The following NBAS variants were observed in gnomAD, a reference collection of about 807,000 sequenced individuals.
NBAS encodes the protein NAG/BC035112 fusion.
A neutral mutation model predicts 302.5 loss-of-function variants in NBAS; 219 were observed. The observed-to-expected ratio is 0.72, with a 90% CI of 0.65 to 0.81. NBAS has a LOEUF of 0.81. Among genes scored for constraint, NBAS ranks in the 30% least tolerant of loss-of-function variants. The pLI, the probability that NBAS is intolerant of heterozygous loss-of-function variation, is 0.00. For synonymous variants in NBAS, 1,118 were observed against 1,021.6 expected, an observed-to-expected ratio of 1.09 and a Z score of -1.80; for missense variants, 2,932 against 2,841.6, an observed-to-expected ratio of 1.03 and a Z score of -0.72.
rs10196432 is a variant in NBAS, at chr2:15,557,395, G to A, written c.173-576C>T. Among the ~76,000 whole-genome samples, 1,332 of 152,206 alleles carry A rather than the reference G, an allele frequency of 8.8e-3. 13 individuals carry two copies. The highest frequency in any genetic ancestry group is 0.03 in the African/African-American group (1,259 of 41,538). On this transcript the variant is annotated intron_variant, in intron 2 of 51. Transcript: ENST00000281513. Reference sequence around the variant, plus strand: ...ATAACAGATTCTCTCTAGGTGGTATGAGGACAAATTTTTTTCTAATTTGTA... The same window carrying A: ...ATAACAGATTCTCTCTAGGTGGTATAAGGACAAATTTTTTTCTAATTTGTA...
At chr2:14,992,307 G>GGA in the NBAS span, among the ~76,000 whole-genome samples, 1 of 152,138 alleles carries the variant, frequency 6.6e-6, no homozygotes, top group Admixed American at 6.5e-5. Context: ...TGGGTGTTCA[G>GGA]CTAGGTGCCC....
the NBAS span, among the ~76,000 whole-genome samples, chr2:14,836,939 A>C: frequency 2.0e-5 from 3 of 151,838 alleles, no homozygotes; most frequent in Non-Finnish European, 4.4e-5. Flanking sequence ...GCAACTTTAA[A>C]ATTTTATTTT....
chr2:15,278,714 T>C (rs1669698021), intron 42 of NBAS, among the ~76,000 whole-genome samples: 1 of 152,144 alleles, frequency 6.6e-6, no homozygotes, highest in Non-Finnish European at 1.5e-5. Context: ...TACAAATACT[T>C]ACAGTTAAAT....
At chr2:14,916,281 A>T in the NBAS span, among the ~76,000 whole-genome samples, 121 of 152,318 alleles carry the variant, frequency 7.9e-4, no homozygotes, top group African/African-American at 2.8e-3. Context: ...AGCTTCAATT[A>T]GAAGATCCCT....
At chr2:15,122,232 C>A in the NBAS span, among the ~76,000 whole-genome samples, 10 of 151,792 alleles carry the variant, frequency 6.6e-5, no homozygotes, top group African/African-American at 2.4e-4. Context: ...ATTCTTTAGG[C>A]TTCACAGAAA....
intron 44 of NBAS, among the ~76,000 whole-genome samples, chr2:15,260,738 GAC>G (rs1668810894): frequency 6.6e-6 from 1 of 152,168 alleles, no homozygotes; most frequent in Admixed American, 6.5e-5. Flanking sequence ...CCAGTAAGTT[GAC>G]ACAGTAGCTT....
intron 21 of NBAS, among the ~76,000 whole-genome samples, chr2:15,457,130 G>A (rs1293788620): frequency 2.0e-5 from 3 of 152,192 alleles, no homozygotes; most frequent in Non-Finnish European, 2.9e-5. Context: ...TGGCAGGAAT[G>A]GAGAGAGCAG....
At chr2:14,887,692 A>C in the NBAS span, among the ~76,000 whole-genome samples, 1 of 152,100 alleles carries the variant, frequency 6.6e-6, no homozygotes, top group African/African-American at 2.4e-5. Flanking sequence ...CACAAGTCTA[A>C]GCCCCTGCTA....
At chr2:15,521,719 C>T (rs1662680800) in intron 9 of NBAS, among the ~76,000 whole-genome samples, 1 of 152,168 alleles carries the variant, frequency 6.6e-6, no homozygotes, top group Non-Finnish European at 1.5e-5. Context: ...ACAACAATGA[C>T]ATTTTGAGAT....
chr2:15,318,414 A>C (rs1384239195), intron 38 of NBAS, among the ~76,000 whole-genome samples: 2 of 152,242 alleles, frequency 1.3e-5, no homozygotes, highest in African/African-American at 2.4e-5. Context: ...CCTAAATATA[A>C]ATGGGCTAAA....
the NBAS span, among the ~76,000 whole-genome samples, chr2:14,880,973 G>A: frequency 6.6e-6 from 1 of 150,936 alleles, no homozygotes; most frequent in Non-Finnish European, 1.5e-5. Flanking sequence ...GAAAAAATCA[G>A]ATTGGCATCA....
At chr2:14,920,415 A>G in the NBAS span, among the ~76,000 whole-genome samples, 1 of 152,232 alleles carries the variant, frequency 6.6e-6, no homozygotes, top group Admixed American at 6.5e-5. Context: ...AGAATGCTAA[A>G]TGAGCATTGG....
intron 11 of NBAS, among the ~76,000 whole-genome samples, chr2:15,499,284 G>T (rs745933507): frequency 6.6e-6 from 1 of 152,074 alleles, no homozygotes; most frequent in African/African-American, 2.4e-5. Context: ...AATATAAATC[G>T]TTCTGTCATA....
chr2:15,043,003 A>G, the NBAS span, among the ~76,000 whole-genome samples: 34 of 152,334 alleles, frequency 2.2e-4, no homozygotes, highest in Non-Finnish European at 4.1e-4. Context: ...GCCAGCCAGT[A>G]AAACTTGCTT....
intron 33 of NBAS, among the ~76,000 whole-genome samples, chr2:15,354,204 C>G (rs574001409): frequency 7.9e-5 from 12 of 152,212 alleles, no homozygotes; most frequent in African/African-American, 2.9e-4. Context: ...CTGCAAAGTG[C>G]TAGAAAAAGA....
the NBAS span, among the ~76,000 whole-genome samples, chr2:15,156,932 G>A: frequency 1.3e-5 from 2 of 152,164 alleles, no homozygotes; most frequent in East Asian, 1.9e-4. Flanking sequence ...TGGATTTTGG[G>A]GAATCCAGAG....
At chr2:14,966,342 A>T in the NBAS span, among the ~76,000 whole-genome samples, 105 of 152,298 alleles carry the variant, frequency 6.9e-4, no homozygotes, top group Non-Finnish European at 1.2e-3. Flanking sequence ...CAATTAATGT[A>T]ATCTACCATA....
At chr2:15,240,980 C>A (rs528055821) in intron 44 of NBAS, among the ~76,000 whole-genome samples, 45 of 152,056 alleles carry the variant, frequency 3.0e-4, no homozygotes, top group Non-Finnish European at 5.4e-4. Flanking sequence ...GGCTCAGTGG[C>A]ATGTTAGGGG....
chr2:14,975,397 A>T, the NBAS span, among the ~76,000 whole-genome samples: 1 of 152,218 alleles, frequency 6.6e-6, no homozygotes, highest in East Asian at 1.9e-4. Context: ...CTTTTGTTTC[A>T]ATTCAACGAA....
Sources: allele counts gnomAD v4.1 joint callset (sites outside exome capture counted in the v4.1 genomes callset), GRCh38; gene constraint gnomAD v4.1.1; transcripts MANE v1.5; gene names NCBI Gene and HGNC (gene_info 2026-07-23, HGNC 2026-07-21).